CNTRL: variants seen among roughly 807,000 people sequenced by gnomAD.
The protein encoded by CNTRL is 110 kDa centrosomal protein.
Under a neutral mutation model 303.7 loss-of-function variants are expected in CNTRL, and 233 were observed. The observed-to-expected ratio is 0.77, with a 90% confidence interval of 0.69 to 0.86. The LOEUF (loss-of-function observed/expected upper bound fraction) is 0.86. CNTRL is among the 40% of genes least tolerant of loss of function. CNTRL has a pLI of 0.00. For synonymous variants in CNTRL, 900 were observed against 922.2 expected (o/e 0.98, Z 0.44); for missense variants, 2,524 against 2,650.6 (o/e 0.95, Z 1.05).
In CNTRL at chr9:121,094,995, C is replaced by T. The variant is rs776981451; in HGVS notation, c.456C>T (p.Leu152=). Residue 152 remains leucine, a synonymous_variant, in exon 5 of 44, where the codon CTC becomes CTT. Coordinates refer to ENST00000373855, the MANE Select transcript of CNTRL (RefSeq NM_007018.6). ...ACAAGCTGTTAAAATTACGTGAACT[C>T]AACTTATCATATAACAAAATCAGGT... ...KLDKLLKLRE[L]NLSYNKISKI... 1 of 1,605,314 alleles carries T rather than the reference C, an allele frequency of 6.2e-7. No homozygotes were observed. The highest frequency in any genetic ancestry group is 8.5e-7 in the Non-Finnish European group (1 of 1,176,314).
rs1564284774 is a variant in CNTRL, at chr9:121,154,842, C to T, written c.4294C>T (p.Arg1432Cys). 2.5e-6 allele frequency: 4 copies of T among 1,614,132 alleles called. No individual in the cohort carries two copies. Among genetic ancestry groups the T allele is most frequent in the Non-Finnish European group, 2.5e-6 (3 of 1,179,984 alleles). Residue 1432 changes from arginine (R) to cysteine (C), a missense_variant, in exon 27 of 44, where the codon CGC (arginine) becomes TGC (cysteine). Transcript: ENST00000373855. ...CATTGAGAAGACTCTTCTGAAACGT[C>T]GCTCAGAGCTCAGGGAAGCTGACCG... The part of the protein sequence containing the change: ...ECIEKTLLKR[R>C]SELREADRLL...
At position 121,082,008 on chromosome 9, in the gene CNTRL, T is replaced by C. The variant is rs113836368; in HGVS notation, c.-32+1530T>C. On this transcript the variant is annotated intron_variant, in intron 2 of 43. Transcript: ENST00000373855. ...TATTAGTAAACGAAAGACACTCTTA[T>C]CACTGTGGAGAACCCAAAGGTTTTA... Among the ~76,000 whole-genome samples the C allele has an allele frequency of 1.1e-3, 174 of 152,330 alleles. 1 individual carries two copies. The highest frequency in any genetic ancestry group is 2.7e-3 in the African/African-American group (114 of 41,588).
rs139202415 is a variant in CNTRL, at chr9:121,146,159, G to A, written c.3362G>A (p.Arg1121His). 2.5e-5 allele frequency: 41 copies of A among 1,612,912 alleles called. No homozygotes were observed. Among genetic ancestry groups the A allele is most frequent in the African/African-American group, 8.0e-5 (6 of 74,898 alleles). The change falls in exon 23 of 44, where the codon CGT becomes CAT. Residue 1121 changes from arginine (R) to histidine (H), a missense_variant. By Grantham distance (29) the Arg-to-His change is conservative. Coordinates refer to ENST00000373855, the MANE Select transcript of CNTRL (RefSeq NM_007018.6). ...TTAGAAGAAATTGCTGAACTTCGAC[G>A]TGAAGTTTCTTATCAGAATGATTAC... is the stretch of plus-strand genomic sequence containing the variant. ...NVLEEIAELRREVSYQNDYIS... is the reference protein window; with the variant it reads ...NVLEEIAELRHEVSYQNDYIS...
intron 8 of CNTRL, among the ~76,000 whole-genome samples, chr9:121,108,842 A>G (rs1428932637): frequency 1.3e-5 from 2 of 152,114 alleles, no homozygotes; most frequent in Non-Finnish European, 2.9e-5. Context: ...AATTTAGACA[A>G]CACAACTGTA....
Position 121,088,543 on chromosome 9 carries a change from G to A in CNTRL, c.217G>A (p.Gly73Arg). 6.3e-7 allele frequency: 1 copy of A among 1,588,118 alleles called. No individual in the cohort carries two copies. Among genetic ancestry groups the A allele is most frequent in the Non-Finnish European group, 8.6e-7 (1 of 1,158,448 alleles). The change falls in exon 3 of 44, where the codon GGA (glycine) becomes AGA (arginine). Residue 73 changes from glycine to arginine, a missense_variant and splice_region_variant. Physicochemically the swap from Gly to Arg is moderately radical, Grantham distance 125. Transcript: ENST00000373855. ...GCTTTTGGACTATCAAGACCATAAA[G>A]GTATCACTTTTTAATCTAAGAATTG... ...NMLLDYQDHK[G>R]ADSHAGVRYI... is the part of the protein sequence containing the mutation.
chr9:121,075,117 G>A, intron 1 of CNTRL, 50 bp downstream of exon 1: 1 of 358,636 alleles, frequency 2.8e-6, no homozygotes, highest in South Asian at 2.0e-5. Flanking sequence ...GGCCCGAGCA[G>A]TGGGGGCCGG....
rs1329925581 is a variant in CNTRL, at chr9:121,150,235, G to C, written c.3715G>C (p.Val1239Leu). 3 of 1,614,112 alleles carry C rather than the reference G, an allele frequency of 1.9e-6. No homozygotes were observed. The highest frequency in any genetic ancestry group is 2.5e-6 in the Non-Finnish European group (3 of 1,179,984). ...ELDDQEEPPF[V>L]PPPGYMMYTV... ...GGATGACCAAGAAGAACCCCCATTT[G>C]TGCCTCCTCCTGGATACATGATGTA... Residue 1239 changes from valine to leucine, a missense_variant, in exon 25 of 44, where the codon GTG (valine) becomes CTG (leucine). Coordinates refer to ENST00000373855, the MANE Select transcript of CNTRL (RefSeq NM_007018.6).
intron 1 of CNTRL, among the ~76,000 whole-genome samples, chr9:121,078,291 C>G (rs2048007546): frequency 6.6e-6 from 1 of 152,046 alleles, no homozygotes; most frequent in African/African-American, 2.4e-5. Flanking sequence ...ACCTGTAATC[C>G]CAGTTACTCA....
At chr9:121,159,384 A>G (rs2052744527) in intron 31 of CNTRL, among the ~76,000 whole-genome samples, 1 of 152,230 alleles carries the variant, frequency 6.6e-6, no homozygotes, top group South Asian at 2.1e-4. Flanking sequence ...CTGTAATCCC[A>G]GCACTTTGGG....
Position 121,125,800 on chromosome 9 carries a change from G to A in CNTRL, c.1889G>A (p.Gly630Asp), listed in dbSNP as rs2050487411. ...CAAGAATACCTGGGGACCATTAAAG[G>A]CCAGGCAACTCAGGCCCAGAATGAG... ...GLQEYLGTIK[G>D]QATQAQNECR... The change falls in exon 14 of 44, where the codon GGC becomes GAC. Residue 630 changes from glycine (G) to aspartate (D), a missense_variant. By Grantham distance (94) the Gly-to-Asp change is moderately conservative. Transcript: ENST00000373855. 1 of 1,614,078 alleles carries A rather than the reference G, an allele frequency of 6.2e-7. No individual in the cohort carries two copies. Among genetic ancestry groups the A allele is most frequent in the African/African-American group, 1.3e-5 (1 of 74,928 alleles).
intron 14 of CNTRL, among the ~76,000 whole-genome samples, chr9:121,132,500 C>G (rs998200735): frequency 6.6e-6 from 1 of 152,094 alleles, no homozygotes; most frequent in Non-Finnish European, 1.5e-5. Context: ...TTAAGGTCTT[C>G]TCTACACTCT....
Position 121,135,858 on chromosome 9 carries a change from C to T in CNTRL, c.2078C>T (p.Ser693Phe). 1 of 1,614,008 alleles carries T rather than the reference C, an allele frequency of 6.2e-7. No individual in the cohort carries two copies. Among genetic ancestry groups the T allele is most frequent in the East Asian group, 2.2e-5 (1 of 44,882 alleles). Residue 693 changes from serine (S) to phenylalanine (F), a missense_variant, in exon 15 of 44, where the codon TCT becomes TTT. Physicochemically the swap from Ser to Phe is radical, Grantham distance 155. Transcript: ENST00000373855. ...CAAGAGCAGCATGAGGTGAATGCAT[C>T]TTTGCAGCAGACCCAGGGAGATCTC... ...ALQEQHEVNA[S>F]LQQTQGDLSA...
At chr9:121,164,854 A>G in intron 34 of CNTRL, 89 bp from the exon 35 acceptor site, 5 of 953,224 alleles carry the variant, frequency 5.2e-6, no homozygotes, top group Non-Finnish European at 7.6e-6. Flanking sequence ...ACTTTCCATA[A>G]CTGTATGTTG....
At chr9:121,082,766 TCGAGA>T (rs1000035596) in intron 2 of CNTRL, among the ~76,000 whole-genome samples, 2 of 152,022 alleles carry the variant, frequency 1.3e-5, no homozygotes, top group African/African-American at 4.8e-5. Flanking sequence ...GGTCAGGAGT[TCGAGA>T]CCAGCCTGGC....
chr9:121,075,955 A>G (rs375091026), intron 1 of CNTRL, among the ~76,000 whole-genome samples: 2 of 152,212 alleles, frequency 1.3e-5, no homozygotes, highest in African/African-American at 2.4e-5. Context: ...GTACATTGCC[A>G]TTTGTAAATC....
chr9:121,104,694 A>T (rs1375555647), intron 7 of CNTRL, among the ~76,000 whole-genome samples: 1 of 96,448 alleles, frequency 1.0e-5, no homozygotes, highest in Non-Finnish European at 2.0e-5. Flanking sequence ...GCCACTGGCA[A>T]TTTTTTTTTT....
chr9:121,099,269 T>G (rs1451115195), intron 7 of CNTRL, among the ~76,000 whole-genome samples: 8 of 152,166 alleles, frequency 5.3e-5, no homozygotes. Flanking sequence ...CAGCCTCCAC[T>G]GGTGATACCC....
At chr9:121,148,354 A>C (rs1345835368) in intron 23 of CNTRL, among the ~76,000 whole-genome samples, 1 of 152,108 alleles carries the variant, frequency 6.6e-6, no homozygotes, top group East Asian at 1.9e-4. Context: ...CTTTCACCAC[A>C]CTTTGAGCCC....
intron 14 of CNTRL, among the ~76,000 whole-genome samples, chr9:121,133,104 A>G (rs1482338956): frequency 6.6e-6 from 1 of 152,222 alleles, no homozygotes; most frequent in African/African-American, 2.4e-5. Flanking sequence ...TCAGGGACCC[A>G]CTTGAGGAGG....
Sources: gnomAD v4.1 joint callset for allele counts (sites outside exome capture counted in the v4.1 genomes callset) on GRCh38, gnomAD v4.1.1 for gene constraint, MANE v1.5 for transcripts, NCBI Gene and HGNC (gene_info 2026-07-23, HGNC 2026-07-21) for gene names.